The following QSOX2 variants were observed in gnomAD, a reference collection of about 807,000 sequenced individuals.
QSOX2 encodes sulfhydryl oxidase 2.
Under a neutral mutation model 61.7 loss-of-function variants are expected in QSOX2, and 46 were observed. The ratio of observed to expected loss-of-function variants is 0.75; its 90% CI spans 0.59 to 0.95. The LOEUF (loss-of-function observed/expected upper bound fraction) is 0.95, where lower values mean the gene tolerates loss of function less well. Ranked by LOEUF, QSOX2 falls within the 40% of genes least tolerant of loss-of-function variation. QSOX2 has a pLI of 0.00. For synonymous variants in QSOX2, 383 were observed against 388.4 expected, an observed-to-expected ratio of 0.99 and a Z score of 0.16; for missense variants, 879 against 918.9, an observed-to-expected ratio of 0.96 and a Z score of 0.56.
intron 6 of QSOX2, 29 bp from the exon 7 acceptor site, chr9:136,219,193 A>C: frequency 6.2e-7 from 1 of 1,601,154 alleles, no homozygotes; most frequent in South Asian, 1.1e-5. Flanking sequence ...CAAAGGTGAG[A>C]AGAGCCTCCT....
At chr9:136,235,503 G>A (rs1380931174) in intron 1 of QSOX2, among the ~76,000 whole-genome samples, 3 of 152,264 alleles carry the variant, frequency 2.0e-5, no homozygotes, top group Admixed American at 1.3e-4. Context: ...GAAGCCCTGA[G>A]CTGGGCTCGG....
intron 9 of QSOX2, among the ~76,000 whole-genome samples, chr9:136,215,989 A>G (rs543109019): frequency 2.0e-5 from 3 of 152,394 alleles, no homozygotes; most frequent in East Asian, 3.9e-4. Context: ...TGCAGCCAGC[A>G]AATGACAAAG....
intron 2 of QSOX2, 95 bp downstream of exon 2, chr9:136,226,678 GT>G (rs1830285373): frequency 1.0e-6 from 1 of 970,464 alleles, no homozygotes; most frequent in South Asian, 1.3e-5. Context: ...GCACTATGAT[GT>G]GGCGAATTTC....
intron 2 of QSOX2, among the ~76,000 whole-genome samples, chr9:136,226,236 G>A (rs574444078): frequency 1.3e-5 from 2 of 152,340 alleles, no homozygotes; most frequent in South Asian, 4.1e-4. Flanking sequence ...GGCACCCGCA[G>A]GTACACACAT....
chr9:136,219,305 C>G (rs755718731), intron 6 of QSOX2, 141 bp from the exon 7 acceptor site: 2 of 1,031,842 alleles, frequency 1.9e-6, no homozygotes, highest in East Asian at 2.6e-5. Context: ...GTGGGAACAG[C>G]TGACACCCCG....
chr9:136,219,418 T>C (rs1387511269), intron 6 of QSOX2, among the ~76,000 whole-genome samples: 2 of 152,236 alleles, frequency 1.3e-5, no homozygotes, highest in African/African-American at 4.8e-5. Context: ...GACTCATTTA[T>C]GTTTGTGGGG....
At chr9:136,216,173 G>A (rs1243937509) in intron 9 of QSOX2, among the ~76,000 whole-genome samples, 2 of 152,216 alleles carry the variant, frequency 1.3e-5, no homozygotes, top group Non-Finnish European at 1.5e-5. Context: ...ATGGCAGGAC[G>A]GAGTGCCAGG....
intron 2 of QSOX2, among the ~76,000 whole-genome samples, chr9:136,225,680 C>A (rs1002667164): frequency 6.6e-6 from 1 of 152,234 alleles, no homozygotes; most frequent in African/African-American, 2.4e-5. Context: ...TCCCCTTGCC[C>A]GGGAAGGCGC....
chr9:136,211,061 A>AAGCCGGGGACAGAAGC (rs372059892), intron 11 of QSOX2, among the ~76,000 whole-genome samples: 3,633 of 152,274 alleles, frequency 0.024, 148 homozygotes, highest in African/African-American at 0.083. Context: ...AGCATCTAGA[A>AAGCCGGGGACAGAAGC]AGCCGGGGAC....
intron 10 of QSOX2, among the ~76,000 whole-genome samples, chr9:136,213,239 TTG>T (rs1284210132): frequency 1.5e-5 from 2 of 136,286 alleles, no homozygotes; most frequent in East Asian, 4.3e-4. Flanking sequence ...AGCAGTTTTG[TTG>T]TGTTTTTTTT....
At chr9:136,229,005 G>C (rs1830307092) in intron 1 of QSOX2, among the ~76,000 whole-genome samples, 1 of 152,200 alleles carries the variant, frequency 6.6e-6, no homozygotes, top group Admixed American at 6.5e-5. Flanking sequence ...AGGCTTGTGT[G>C]TGTTAGCGGT....
At chr9:136,214,809 A>G (rs1474540619) in intron 10 of QSOX2, among the ~76,000 whole-genome samples, 1 of 152,210 alleles carries the variant, frequency 6.6e-6, no homozygotes, top group Non-Finnish European at 1.5e-5. Flanking sequence ...GATAATGAGA[A>G]CACCTCTCCA....
chr9:136,236,715 C>T (rs975557713), intron 1 of QSOX2, among the ~76,000 whole-genome samples: 3 of 152,060 alleles, frequency 2.0e-5, no homozygotes, highest in African/African-American at 7.2e-5. Context: ...GCCTGCGTCA[C>T]GTGGAGCTCG....
At chr9:136,212,483 C>CG (rs1340136027) in intron 10 of QSOX2, among the ~76,000 whole-genome samples, 2 of 152,258 alleles carry the variant, frequency 1.3e-5, no homozygotes, top group Non-Finnish European at 2.9e-5. Flanking sequence ...GCGTCCTGGT[C>CG]GGTCCCAAAT....
At chr9:136,215,379 C>T in intron 9 of QSOX2, 75 bp from the exon 10 acceptor site, 1 of 1,384,742 alleles carries the variant, frequency 7.2e-7, no homozygotes, top group Non-Finnish European at 9.6e-7. Flanking sequence ...CGACAGCTGC[C>T]TTCTTGACTG....
chr9:136,208,824 C>T lies in QSOX2; in HGVS notation c.2001G>A (p.Leu667=). 6.2e-7 allele frequency: 1 copy of T among 1,614,052 alleles called. No individual in the cohort carries two copies. The highest frequency in any genetic ancestry group is 8.5e-7 in the Non-Finnish European group (1 of 1,180,034). The change falls in exon 12 of 12, where the codon CTG becomes CTA. Residue 667 remains leucine, a synonymous_variant. Transcript: ENST00000358701. ...TGAGGAACAGGGATGAAGCCACGTA[C>T]AGCACGACACAGAGACTCATGTCCA... ...SSLDMSLCVV[L]YVASSLFLMV...
chr9:136,210,277 C>T (rs1287839865), intron 11 of QSOX2: 1 of 985,368 alleles, frequency 1.0e-6, no homozygotes, highest in African/African-American at 1.7e-5. Context: ...TCTCAATGCA[C>T]AGGCTGGAGG....
At chr9:136,226,016 T>A (rs1292964019) in intron 2 of QSOX2, among the ~76,000 whole-genome samples, 1 of 152,104 alleles carries the variant, frequency 6.6e-6, no homozygotes, top group Non-Finnish European at 1.5e-5. Flanking sequence ...TGGCACCTGT[T>A]AGGGCAGGAC....
At chr9:136,218,539 G>A (rs1275147339) in intron 8 of QSOX2, 140 bp downstream of exon 8, 8 of 998,854 alleles carry the variant, frequency 8.0e-6, no homozygotes, top group African/African-American at 1.6e-5. Flanking sequence ...ATGAGTTGGG[G>A]CGTGGGCCTG....
Sources: gnomAD v4.1 joint callset for allele counts (sites outside exome capture counted in the v4.1 genomes callset) on GRCh38, gnomAD v4.1.1 for gene constraint, MANE v1.5 for transcripts, NCBI Gene and HGNC (gene_info 2026-07-23, HGNC 2026-07-21) for gene names.